The following CSMD1 variants were observed in gnomAD, a reference collection of about 807,000 sequenced individuals.
CSMD1 encodes CUB and sushi domain-containing protein 1.
In CSMD1, 213 loss-of-function variants were observed where a neutral mutation model predicts 417.5. The observed-to-expected ratio is 0.51, with a 90% CI of 0.46 to 0.57. The LOEUF (loss-of-function observed/expected upper bound fraction) is 0.57. Among genes scored for constraint, CSMD1 ranks in the 20% least tolerant of loss-of-function variants. CSMD1 has a pLI of 0.00. For synonymous variants in CSMD1, 2,862 were observed against 1,736.8 expected, an observed-to-expected ratio of 1.65 and a Z score of -16.11; for missense variants, 6,923 against 4,529.7, an observed-to-expected ratio of 1.53 and a Z score of -15.17.
At chr8:3,935,674 G>T (rs1287000876) in intron 5 of CSMD1, among the ~76,000 whole-genome samples, 1 of 152,142 alleles carries the variant, frequency 6.6e-6, no homozygotes, top group East Asian at 1.9e-4. Flanking sequence ...AAATGTGTGT[G>T]TTCTGACTGC....
chr8:3,167,139 G>A (rs1424110713), intron 37 of CSMD1, among the ~76,000 whole-genome samples: 1 of 152,050 alleles, frequency 6.6e-6, no homozygotes, highest in Non-Finnish European at 1.5e-5. Context: ...ACAAAAATTA[G>A]CCAGGCGTGG....
chr8:4,344,253 T>A (rs1800649436), intron 3 of CSMD1, among the ~76,000 whole-genome samples: 1 of 152,164 alleles, frequency 6.6e-6, no homozygotes, highest in Non-Finnish European at 1.5e-5. Flanking sequence ...ACAATCATCT[T>A]TACACGTGTT....
intron 2 of CSMD1, among the ~76,000 whole-genome samples, chr8:4,521,453 T>C (rs1334272945): frequency 6.6e-6 from 1 of 152,240 alleles, no homozygotes; most frequent in African/African-American, 2.4e-5. Context: ...TGCTGCATTT[T>C]ATGTTGTTCT....
At chr8:4,378,307 T>G (rs1391154963) in intron 3 of CSMD1, among the ~76,000 whole-genome samples, 1 of 152,246 alleles carries the variant, frequency 6.6e-6, no homozygotes, top group Admixed American at 6.5e-5. Context: ...ACTATTAAAT[T>G]GTTATAAATT....
chr8:2,964,626 A>G (rs1239525909), intron 59 of CSMD1, among the ~76,000 whole-genome samples: 1 of 152,252 alleles, frequency 6.6e-6, no homozygotes, highest in Non-Finnish European at 1.5e-5. Flanking sequence ...AATTTCCATC[A>G]TGACCATTTG....
intron 1 of CSMD1, among the ~76,000 whole-genome samples, chr8:4,706,456 C>T (rs751930750): frequency 2.6e-4 from 40 of 152,104 alleles, no homozygotes; most frequent in Admixed American, 5.2e-4. Context: ...CAGTAATTCA[C>T]AAATGTCTCT....
intron 3 of CSMD1, among the ~76,000 whole-genome samples, chr8:4,243,899 A>G (rs1802545810): frequency 6.6e-6 from 1 of 152,180 alleles, no homozygotes; most frequent in African/African-American, 2.4e-5. Flanking sequence ...CCATAAACAC[A>G]TTAGGTTAGC....
chr8:4,742,050 A>T (rs953451345), intron 1 of CSMD1, among the ~76,000 whole-genome samples: 3 of 57,318 alleles, frequency 5.2e-5, no homozygotes, highest in East Asian at 5.0e-4. Flanking sequence ...TTTTTTTTTG[A>T]GACGGAGTCT....
intron 5 of CSMD1, among the ~76,000 whole-genome samples, chr8:3,765,189 G>C (rs888594192): frequency 1.3e-5 from 2 of 152,004 alleles, no homozygotes; most frequent in African/African-American, 4.8e-5. Flanking sequence ...CGTGAACCTT[G>C]TGTTCTGCCC....
chr8:3,620,071 T>C (rs1458167878), intron 7 of CSMD1, among the ~76,000 whole-genome samples: 2 of 152,000 alleles, frequency 1.3e-5, no homozygotes, highest in Admixed American at 1.3e-4. Context: ...CCCTGCATTC[T>C]AGCCTGGGCA....
At chr8:4,028,564 G>C (rs778885593) in intron 4 of CSMD1, among the ~76,000 whole-genome samples, 22 of 152,146 alleles carry the variant, frequency 1.4e-4, no homozygotes, top group Non-Finnish European at 2.8e-4. Context: ...AAAGCATACT[G>C]AAGGAAATAA....
At chr8:4,648,777 G>C (rs1241123148) in intron 1 of CSMD1, among the ~76,000 whole-genome samples, 1 of 152,226 alleles carries the variant, frequency 6.6e-6, no homozygotes. Context: ...TGTTGGAGTT[G>C]AGACATCAGA....
chr8:4,923,169 G>C (rs888004697), intron 1 of CSMD1, among the ~76,000 whole-genome samples: 1 of 152,146 alleles, frequency 6.6e-6, no homozygotes, highest in Non-Finnish European at 1.5e-5. Context: ...CAATTTTTCA[G>C]TTTTAGATGA....
intron 47 of CSMD1, among the ~76,000 whole-genome samples, chr8:3,095,558 A>G (rs1035509699): frequency 2.0e-5 from 3 of 152,184 alleles, no homozygotes; most frequent in Non-Finnish European, 1.5e-5. Flanking sequence ...TTGAAAATAC[A>G]TTAATTGATT....
At chr8:3,230,652 G>C (rs962184848) in intron 26 of CSMD1, among the ~76,000 whole-genome samples, 5 of 152,136 alleles carry the variant, frequency 3.3e-5, no homozygotes, top group African/African-American at 1.2e-4. Context: ...CTTAAGGTCT[G>C]TGCCTTCAAA....
At chr8:2,961,056 T>A in intron 62 of CSMD1, 85 bp downstream of exon 62, 1 of 804,116 alleles carries the variant, frequency 1.2e-6, no homozygotes, top group Non-Finnish European at 1.9e-6. Context: ...TAAGGTATGA[T>A]ATAAAAAAGC....
chr8:4,448,892 C>T (rs553201402), intron 2 of CSMD1, among the ~76,000 whole-genome samples: 1 of 152,324 alleles, frequency 6.6e-6, no homozygotes, highest in Non-Finnish European at 1.5e-5. Context: ...AGTAAACACA[C>T]ACATGCACAC....
chr8:3,417,058 C>A (rs187552821), intron 12 of CSMD1, among the ~76,000 whole-genome samples: 1 of 152,188 alleles, frequency 6.6e-6, no homozygotes, highest in South Asian at 2.1e-4. Flanking sequence ...AATCACACCA[C>A]GTTCTGCTCC....
chr8:2,967,696 T>C (rs1391288544), intron 57 of CSMD1, among the ~76,000 whole-genome samples: 1 of 152,206 alleles, frequency 6.6e-6, no homozygotes, highest in Non-Finnish European at 1.5e-5. Flanking sequence ...CTGATCAAAA[T>C]ATTTAAAAAT....
Sources: gnomAD v4.1 joint callset for allele counts (sites outside exome capture counted in the v4.1 genomes callset) on GRCh38, gnomAD v4.1.1 for gene constraint, MANE v1.5 for transcripts, NCBI Gene and HGNC (gene_info 2026-07-23, HGNC 2026-07-21) for gene names.